The following EEPD1 variants were observed in gnomAD, a reference collection of about 807,000 sequenced individuals.
EEPD1 encodes endonuclease/exonuclease/phosphatase family domain containing 1.
EEPD1 carries 17 observed loss-of-function variants against 46.3 expected under a neutral mutation model. The ratio of observed to expected loss-of-function variants is 0.37; its 90% CI spans 0.25 to 0.55. The LOEUF (loss-of-function observed/expected upper bound fraction) is 0.55. Among genes scored for constraint, EEPD1 ranks in the 20% least tolerant of loss-of-function variants. The pLI is 0.83. For missense variants in EEPD1, 673 were observed against 745.6 expected (o/e 0.90, Z 1.13); for synonymous variants, 313 against 315.6 (o/e 0.99, Z 0.09).
At chr7:36,272,121 G>C (rs1787116277) in intron 3 of EEPD1, among the ~76,000 whole-genome samples, 1 of 151,630 alleles carries the variant, frequency 6.6e-6, no homozygotes, top group Admixed American at 6.6e-5. Flanking sequence ...GACCTCAAGT[G>C]ATCCACCTGC....
At chr7:36,297,655 G>A (rs143315213) in intron 7 of EEPD1, among the ~76,000 whole-genome samples, 71 of 152,320 alleles carry the variant, frequency 4.7e-4, no homozygotes, top group African/African-American at 1.7e-3. Flanking sequence ...TGCAAGTGTT[G>A]TGTTGTAGGA....
At chr7:36,250,804 G>A (rs1347894568) in intron 3 of EEPD1, among the ~76,000 whole-genome samples, 4 of 152,150 alleles carry the variant, frequency 2.6e-5, no homozygotes, top group Admixed American at 2.6e-4. Context: ...CCACATTCAG[G>A]AGGTCCCAGC....
At chr7:36,249,326 T>C (rs1786694665) in intron 3 of EEPD1, among the ~76,000 whole-genome samples, 1 of 152,182 alleles carries the variant, frequency 6.6e-6, no homozygotes, top group African/African-American at 2.4e-5. Flanking sequence ...GCAGGTGACA[T>C]GGTGCTGGCC....
intron 3 of EEPD1, among the ~76,000 whole-genome samples, chr7:36,266,198 T>A (rs1168338116): frequency 6.6e-6 from 1 of 152,198 alleles, no homozygotes; most frequent in Non-Finnish European, 1.5e-5. Flanking sequence ...CTTAGAATAA[T>A]TCATTTCAAT....
chr7:36,181,903 G>GT (rs1259855014), intron 2 of EEPD1, among the ~76,000 whole-genome samples: 1 of 152,186 alleles, frequency 6.6e-6, no homozygotes, highest in Non-Finnish European at 1.5e-5. Context: ...TGCCCCATCT[G>GT]TTACTCCTTC....
chr7:36,208,474 A>G (rs770227554), intron 2 of EEPD1, among the ~76,000 whole-genome samples: 1 of 152,218 alleles, frequency 6.6e-6, no homozygotes, highest in African/African-American at 2.4e-5. Context: ...AGTTGTCTCC[A>G]TGCTGATGCA....
intron 2 of EEPD1, among the ~76,000 whole-genome samples, chr7:36,186,122 A>T (rs1785356591): frequency 1.3e-5 from 2 of 152,300 alleles, no homozygotes; most frequent in Middle Eastern, 6.8e-3. Context: ...TGAGCTTTGC[A>T]TTCCCCCGGA....
chr7:36,216,098 T>A (rs577137393), intron 2 of EEPD1, among the ~76,000 whole-genome samples: 14 of 152,292 alleles, frequency 9.2e-5, no homozygotes, highest in Admixed American at 5.2e-4. Context: ...AAAATATTGA[T>A]AGTAGTTAGA....
intron 3 of EEPD1, among the ~76,000 whole-genome samples, chr7:36,274,580 C>G (rs1024792413): frequency 1.3e-5 from 2 of 152,122 alleles, no homozygotes; most frequent in Non-Finnish European, 2.9e-5. Flanking sequence ...CTGGGGTACA[C>G]GTGCAGGATG....
At chr7:36,289,456 A>C (rs1787392160) in intron 6 of EEPD1, among the ~76,000 whole-genome samples, 1 of 152,088 alleles carries the variant, frequency 6.6e-6, no homozygotes, top group Non-Finnish European at 1.5e-5. Context: ...GGCTTGTTTC[A>C]CTTAGTATAA....
chr7:36,238,460 A>G (rs960113678), intron 2 of EEPD1, among the ~76,000 whole-genome samples: 1 of 152,228 alleles, frequency 6.6e-6, no homozygotes, highest in Non-Finnish European at 1.5e-5. Context: ...GAATTTGACT[A>G]CTCTAAGATA....
At chr7:36,285,640 C>G (rs369172689) in intron 5 of EEPD1, among the ~76,000 whole-genome samples, 42 of 152,312 alleles carry the variant, frequency 2.8e-4, no homozygotes, top group African/African-American at 9.4e-4. Context: ...ACCATGAGCT[C>G]ACAGGCCAGG....
At chr7:36,160,936 G>T (rs533843470) in intron 2 of EEPD1, among the ~76,000 whole-genome samples, 1 of 152,300 alleles carries the variant, frequency 6.6e-6, no homozygotes, top group African/African-American at 2.4e-5. Context: ...TGACACACAT[G>T]CCTCTGTATT....
chr7:36,198,546 TAATA>T (rs557787878), intron 2 of EEPD1, among the ~76,000 whole-genome samples: 33 of 152,162 alleles, frequency 2.2e-4, no homozygotes, highest in East Asian at 9.7e-4. Flanking sequence ...ATTTGTCAAT[TAATA>T]AATAAATAAG....
rs138837606 is a variant in EEPD1, at chr7:36,251,131, T to C, written c.930+12095T>C. ...GGGTTATTCTAAAGGAATTATCTGG[T>C]TTATAGACATCTATGCTCCCATTCT... On this transcript the variant is annotated intron_variant, in intron 3 of 7. Transcript: ENST00000242108. Among the ~76,000 whole-genome samples the C allele has an allele frequency of 2.1e-4, 32 of 152,298 alleles. No homozygotes were observed. The East Asian group carries it at 6.2e-3, about 29-fold the overall frequency.
chr7:36,245,746 G>A (rs1200136760), intron 3 of EEPD1, among the ~76,000 whole-genome samples: 1 of 152,228 alleles, frequency 6.6e-6, no homozygotes, highest in Admixed American at 6.5e-5. Context: ...GTGAGTGTCA[G>A]TGCATGTGAC....
intron 2 of EEPD1, among the ~76,000 whole-genome samples, chr7:36,222,501 T>C (rs1786162591): frequency 6.6e-6 from 1 of 152,194 alleles, no homozygotes; most frequent in Non-Finnish European, 1.5e-5. Context: ...GTGAACTGTA[T>C]ATATAACAGA....
intron 2 of EEPD1, among the ~76,000 whole-genome samples, chr7:36,224,090 G>A (rs542686319): frequency 9.9e-5 from 15 of 152,170 alleles, no homozygotes; most frequent in Non-Finnish European, 2.1e-4. Flanking sequence ...GGACTTTCCT[G>A]TGGAGCCTCA....
chr7:36,300,356 A>T lies in EEPD1; in HGVS notation c.*1150A>T, dbSNP rs1787600717. On this transcript the variant is annotated 3_prime_UTR_variant, in exon 8 of 8. Transcript: ENST00000242108. ...CAACACCATCCCAGGGAGATCTGCC[A>T]CAATTTGCGTTTCACAGCTGAAGAC... is the stretch of plus-strand genomic sequence containing the variant. 6.6e-6 allele frequency: 1 copy of T among 152,270 alleles called. No individual in the cohort carries two copies. Among genetic ancestry groups the T allele is most frequent in the Admixed American group, 6.5e-5 (1 of 15,292 alleles). 9.4% of individuals were successfully genotyped at this position (152,270 alleles called of 1,614,324 possible). A position where few individuals can be genotyped will look rare whatever the true frequency, so the allele number is the denominator to read the frequency against.
Sources: allele counts gnomAD v4.1 joint callset (sites outside exome capture counted in the v4.1 genomes callset), GRCh38; gene constraint gnomAD v4.1.1; transcripts MANE v1.5; gene names NCBI Gene and HGNC (gene_info 2026-07-23, HGNC 2026-07-21).